SRSF4: variants seen among roughly 807,000 people sequenced by gnomAD.
SRSF4 encodes the protein serine and arginine rich splicing factor 4.
In SRSF4, 12 loss-of-function variants were observed where a neutral mutation model predicts 48.8. The ratio of observed to expected loss-of-function variants is 0.25; its 90% CI spans 0.16 to 0.40. The LOEUF (loss-of-function observed/expected upper bound fraction) is 0.40, where lower values mean the gene tolerates loss of function less well. SRSF4 is among the 10% of genes least tolerant of loss of function. SRSF4 has a pLI of 1.00. For missense variants in SRSF4, 466 were observed against 667.1 expected (o/e 0.70, Z 3.32); for synonymous variants, 248 against 232.5 (o/e 1.07, Z -0.61).
At chr1:29,153,374 C>T (rs1672445769) in intron 4 of SRSF4, among the ~76,000 whole-genome samples, 1 of 152,088 alleles carries the variant, frequency 6.6e-6, no homozygotes, top group Non-Finnish European at 1.5e-5. Flanking sequence ...TCTTGAACTC[C>T]TGACCTCAGG....
intron 3 of SRSF4, among the ~76,000 whole-genome samples, chr1:29,158,168 C>CA (rs1054022869): frequency 0.012 from 1,443 of 115,918 alleles, 10 homozygotes; most frequent in Non-Finnish European, 0.019. Flanking sequence ...GACTCCATCT[C>CA]AAAAAAAAAA....
At chr1:29,160,340 C>A (rs373583998) in intron 2 of SRSF4, 35 bp downstream of exon 2, 13 of 1,578,606 alleles carry the variant, frequency 8.2e-6, no homozygotes, top group Non-Finnish European at 1.0e-5. Flanking sequence ...AACAAAAGCA[C>A]GTTACTGATA....
intron 4 of SRSF4, among the ~76,000 whole-genome samples, chr1:29,151,802 T>C (rs507786): frequency 0.1 from 15,151 of 152,254 alleles, 964 homozygotes; most frequent in African/African-American, 0.18. Flanking sequence ...AGTATCATAA[T>C]TTCTACAACT....
At chr1:29,180,984 C>A (rs1039101119) in intron 1 of SRSF4, among the ~76,000 whole-genome samples, 6 of 152,198 alleles carry the variant, frequency 3.9e-5, no homozygotes, top group African/African-American at 1.4e-4. Context: ...GAAACCACAG[C>A]GTGGAAACTC....
At chr1:29,155,919 C>T (rs1410912288) in intron 3 of SRSF4, among the ~76,000 whole-genome samples, 1 of 152,108 alleles carries the variant, frequency 6.6e-6, no homozygotes, top group Non-Finnish European at 1.5e-5. Flanking sequence ...CAACTAATGT[C>T]CTAGACAAAT....
chr1:29,152,783 G>A, intron 4 of SRSF4, among the ~76,000 whole-genome samples: 1 of 152,000 alleles, frequency 6.6e-6, no homozygotes, highest in East Asian at 1.9e-4. Context: ...GCCAGGCATG[G>A]TGGTGTGCAC....
chr1:29,152,999 C>G (rs1168910086), intron 4 of SRSF4, among the ~76,000 whole-genome samples: 1 of 151,960 alleles, frequency 6.6e-6, no homozygotes, highest in African/African-American at 2.4e-5. Context: ...GGGCTCAGTT[C>G]TACAGCATGT....
At position 29,150,157 on chromosome 1, in the gene SRSF4, C is replaced by T. The variant is rs774611114; in HGVS notation, c.614G>A (p.Arg205Lys). The change falls in exon 5 of 6, where the codon AGA (arginine) becomes AAA (lysine). Residue 205 changes from arginine (R) to lysine (K), a missense_variant. Physicochemically the swap from Arg to Lys is conservative, Grantham distance 26 (BLOSUM62 2). Around this residue, in one of 2 missense-constraint regions of SRSF4, gnomAD observed 402 missense variants for 437.0 expected, o/e 0.92. Transcript: ENST00000373795. ...RSRSRHSRKS[R>K]SRSGSSKSSH... ...GCTTTTGCTGCTGCCACTTCGGCTT[C>T]TGCTCTTACGGGAATGTCTGCTTCG... 3 of 1,613,926 alleles carry T rather than the reference C, an allele frequency of 1.9e-6. No individual in the cohort carries two copies. Among genetic ancestry groups the T allele is most frequent in the South Asian group, 2.2e-5 (2 of 91,084 alleles).
intron 1 of SRSF4, among the ~76,000 whole-genome samples, chr1:29,180,289 T>C (rs1672935103): frequency 6.6e-6 from 1 of 152,150 alleles, no homozygotes; most frequent in Admixed American, 6.5e-5. Context: ...ATGGTATGTA[T>C]ACAATAACGT....
chr1:29,171,065 T>G lies in SRSF4; in HGVS notation c.108-10548A>C, dbSNP rs1191970259. ...CTAATCCCTCACCTTCAGGGTACTA[T>G]AAGACCAGACGGCCCTAGGAATGAC... On this transcript the variant is annotated intron_variant, in intron 1 of 5. Transcript: ENST00000373795. 3 of 152,266 alleles carry G rather than the reference T, an allele frequency of 2.0e-5. No homozygotes were observed. In the East Asian group the frequency reaches 5.8e-4, roughly 29 times the overall value. The allele number at this position is 152,266 out of a possible 1,614,324, so 9.4% of individuals were successfully genotyped here.
intron 1 of SRSF4, chr1:29,173,461 T>TC (rs1672780448): frequency 8.5e-6 from 1 of 118,064 alleles, no homozygotes; most frequent in Non-Finnish European, 1.7e-5. Flanking sequence ...TTGTTTTTTT[T>TC]TTTTCTTTTT....
rs191617388 is a variant in SRSF4, at chr1:29,161,785, G to C, written c.108-1268C>G. 2.6e-4 allele frequency among the ~76,000 whole-genome samples: 39 copies of C among 152,322 alleles called. 1 individual carries two copies. Among genetic ancestry groups the C allele is most frequent in the Admixed American group, 2.1e-3 (32 of 15,306 alleles). The stretch of plus-strand genomic sequence containing the variant: ...GGCTACTTTTTGTATTTTTAGTAGA[G>C]ACAGGGTTTTGCCATGTTGGCCAAG... On this transcript the variant is annotated intron_variant, in intron 1 of 5. Coordinates refer to ENST00000373795, the MANE Select transcript of SRSF4 (RefSeq NM_005626.5).
intron 1 of SRSF4, among the ~76,000 whole-genome samples, chr1:29,176,840 T>TATTCATG (rs1672863805): frequency 6.6e-6 from 1 of 152,246 alleles, no homozygotes; most frequent in South Asian, 2.1e-4. Context: ...AAATTCAGGC[T>TATTCATG]ATTCATGATT....
At chr1:29,154,103 GA>G (rs1182991768) in intron 4 of SRSF4, among the ~76,000 whole-genome samples, 1 of 152,000 alleles carries the variant, frequency 6.6e-6, no homozygotes, top group Non-Finnish European at 1.5e-5. Context: ...GCCCAGGCTG[GA>G]GTGCAATGGC....
intron 1 of SRSF4, among the ~76,000 whole-genome samples, chr1:29,174,390 A>T (rs1672801976): frequency 6.6e-6 from 1 of 152,240 alleles, no homozygotes; most frequent in African/African-American, 2.4e-5. Flanking sequence ...TATAAAGGAT[A>T]TTCAACAGTA....
intron 1 of SRSF4, chr1:29,171,520 A>G (rs1403196950): frequency 6.6e-6 from 1 of 151,602 alleles, no homozygotes; most frequent in African/African-American, 2.4e-5. Context: ...CATCAGTACA[A>G]ACTAGGGACA....
intron 1 of SRSF4, among the ~76,000 whole-genome samples, chr1:29,175,754 A>T (rs2151826660): frequency 6.6e-6 from 1 of 151,380 alleles, no homozygotes; most frequent in Non-Finnish European, 1.5e-5. Context: ...CTACTTTGAA[A>T]ATTAAGAGTG....
rs575180994 is a variant in SRSF4, at chr1:29,178,550, GT to G, written c.107+3095del. Among the ~76,000 whole-genome samples, 1,046 of 151,684 alleles carry G rather than the reference GT, an allele frequency of 6.9e-3. 15 individuals are homozygous for G. Among genetic ancestry groups the G allele is most frequent in the African/African-American group, 0.024 (1,009 of 41,326 alleles). Reference sequence around the variant, plus strand: ...TATTTTCATTTTTAGTAGAGACGGGGTTTCACCATCTTAACCAGGATGGTCT... The same window carrying G: ...TATTTTCATTTTTAGTAGAGACGGGGTTCACCATCTTAACCAGGATGGTCT... On this transcript the variant is annotated intron_variant, in intron 1 of 5. Coordinates refer to ENST00000373795, the MANE Select transcript of SRSF4 (RefSeq NM_005626.5).
intron 1 of SRSF4, among the ~76,000 whole-genome samples, chr1:29,163,643 C>G (rs1672629862): frequency 6.6e-6 from 1 of 152,142 alleles, no homozygotes; most frequent in Non-Finnish European, 1.5e-5. Flanking sequence ...TCTGACTAAA[C>G]AATCTCTCTA....
Sources: gnomAD v4.1 joint callset for allele counts (sites outside exome capture counted in the v4.1 genomes callset) on GRCh38, gnomAD v4.1.1 for gene constraint, gnomAD v4.1.1 regional missense constraint, MANE v1.5 for transcripts, NCBI Gene and HGNC (gene_info 2026-07-23, HGNC 2026-07-21) for gene names.